The following NLGN1 variants were observed in gnomAD, a reference collection of about 807,000 sequenced individuals.
NLGN1 encodes the protein neuroligin 1.
A neutral mutation model predicts 65.5 loss-of-function variants in NLGN1; 12 were observed. The observed-to-expected ratio is 0.18, with a 90% CI of 0.12 to 0.30. The LOEUF is 0.30. Ranked by LOEUF, NLGN1 falls within the 10% of genes least tolerant of loss-of-function variation. NLGN1 has a pLI of 1.00. For missense variants in NLGN1, 750 were observed against 1,007.1 expected (o/e 0.74, Z 3.46); for synonymous variants, 350 against 359.5 (o/e 0.97, Z 0.30).
intron 4 of NLGN1, among the ~76,000 whole-genome samples, chr3:173,814,592 G>A (rs1216246032): frequency 6.6e-6 from 1 of 152,174 alleles, no homozygotes; most frequent in African/African-American, 2.4e-5. Context: ...GAAAGTAAGT[G>A]TGTCAATTAT....
intron 4 of NLGN1, among the ~76,000 whole-genome samples, chr3:173,812,197 A>G (rs954036742): frequency 6.6e-6 from 1 of 152,228 alleles, no homozygotes; most frequent in African/African-American, 2.4e-5. Flanking sequence ...AAAATAATTT[A>G]AAGTGCTAGC....
At chr3:173,635,086 C>T (rs1276245767) in intron 3 of NLGN1, among the ~76,000 whole-genome samples, 3 of 152,084 alleles carry the variant, frequency 2.0e-5, no homozygotes, top group African/African-American at 4.8e-5. Context: ...GGTCTGTGAA[C>T]ACTTATTTTG....
chr3:174,275,280 G>A, intron 4 of NLGN1, 35 bp from the exon 5 acceptor site: 1 of 1,510,186 alleles, frequency 6.6e-7, no homozygotes, highest in South Asian at 1.1e-5. Context: ...ATTCACGTCA[G>A]CTCAAAACGT....
At chr3:174,182,844 C>T (rs1404178721) in intron 4 of NLGN1, among the ~76,000 whole-genome samples, 1 of 152,194 alleles carries the variant, frequency 6.6e-6, no homozygotes, top group Non-Finnish European at 1.5e-5. Flanking sequence ...GACACAATCT[C>T]ACCTTCCTGG....
At chr3:174,179,672 G>C (rs1459723318) in intron 4 of NLGN1, among the ~76,000 whole-genome samples, 1 of 152,130 alleles carries the variant, frequency 6.6e-6, no homozygotes, top group African/African-American at 2.4e-5. Flanking sequence ...CAAAACCAGA[G>C]TAGTATATAT....
chr3:173,661,135 T>C (rs1760868103), intron 3 of NLGN1, among the ~76,000 whole-genome samples: 1 of 152,024 alleles, frequency 6.6e-6, no homozygotes, highest in Non-Finnish European at 1.5e-5. Context: ...AATGAACTAA[T>C]GAAAGAAATA....
At chr3:174,264,756 G>T (rs560662841) in intron 4 of NLGN1, among the ~76,000 whole-genome samples, 3 of 152,062 alleles carry the variant, frequency 2.0e-5, no homozygotes, top group African/African-American at 7.2e-5. Context: ...GAGGAGAGGC[G>T]CTCTGATTTT....
intron 3 of NLGN1, among the ~76,000 whole-genome samples, chr3:173,682,440 T>G (rs1764072710): frequency 6.6e-6 from 1 of 151,688 alleles, no homozygotes; most frequent in East Asian, 2.0e-4. Flanking sequence ...ATACAAAAAA[T>G]TAGCCGGGTA....
chr3:174,088,875 G>A (rs1234367073), intron 4 of NLGN1, among the ~76,000 whole-genome samples: 1 of 151,630 alleles, frequency 6.6e-6, no homozygotes, highest in Admixed American at 6.6e-5. Context: ...AGTAAAGAAG[G>A]TGCCTGAAAT....
chr3:173,812,018 A>G (rs1428709640), intron 4 of NLGN1, among the ~76,000 whole-genome samples: 5 of 152,164 alleles, frequency 3.3e-5, no homozygotes, highest in Admixed American at 6.5e-5. Context: ...AATATCTTGG[A>G]GGCAATTATG....
At chr3:174,208,664 GAAAAAA>G (rs35797766) in intron 4 of NLGN1, among the ~76,000 whole-genome samples, 2 of 144,278 alleles carry the variant, frequency 1.4e-5, no homozygotes. Flanking sequence ...CCATTATAGG[GAAAAAA>G]AAAAAAAAAA....
At chr3:174,207,774 T>C (rs1194479256) in intron 4 of NLGN1, among the ~76,000 whole-genome samples, 1 of 152,238 alleles carries the variant, frequency 6.6e-6, no homozygotes, top group East Asian at 1.9e-4. Flanking sequence ...CAATCTCTTA[T>C]GCCTCTTTCA....
At chr3:174,137,203 G>A (rs534904793) in intron 4 of NLGN1, among the ~76,000 whole-genome samples, 2 of 152,142 alleles carry the variant, frequency 1.3e-5, no homozygotes, top group South Asian at 4.1e-4. Context: ...CTAAATTGAG[G>A]ACTGTCTGTA....
chr3:173,757,235 C>A (rs1016140812), intron 3 of NLGN1, among the ~76,000 whole-genome samples: 5 of 151,938 alleles, frequency 3.3e-5, no homozygotes, highest in Admixed American at 1.3e-4. Context: ...TCAGATATCA[C>A]CATCTTGATC....
intron 3 of NLGN1, among the ~76,000 whole-genome samples, chr3:173,725,097 C>A (rs927024308): frequency 6.6e-6 from 1 of 151,936 alleles, no homozygotes; most frequent in Non-Finnish European, 1.5e-5. Context: ...TTAATGGGTG[C>A]AGCACACCAA....
chr3:173,699,446 A>C (rs1331454700), intron 3 of NLGN1, among the ~76,000 whole-genome samples: 1 of 152,178 alleles, frequency 6.6e-6, no homozygotes, highest in Non-Finnish European at 1.5e-5. Flanking sequence ...ATTCTTATTC[A>C]AATGTGTCAT....
chr3:173,418,340 C>T (rs531150218), intron 1 of NLGN1, among the ~76,000 whole-genome samples: 35 of 139,394 alleles, frequency 2.5e-4, no homozygotes, highest in Non-Finnish European at 4.6e-4. Context: ...TATTTCAATG[C>T]ACAGTTTGAT....
At chr3:174,195,276 A>G (rs999107503) in intron 4 of NLGN1, among the ~76,000 whole-genome samples, 1 of 152,230 alleles carries the variant, frequency 6.6e-6, no homozygotes, top group Non-Finnish European at 1.5e-5. Flanking sequence ...TGTTCAAAAT[A>G]GAATATACAA....
At chr3:173,567,557 A>G (rs868717251) in intron 2 of NLGN1, among the ~76,000 whole-genome samples, 1 of 151,720 alleles carries the variant, frequency 6.6e-6, no homozygotes, top group Non-Finnish European at 1.5e-5. Context: ...CACAAATTTA[A>G]TTTTGAATAC....
Sources: gnomAD v4.1 joint callset for allele counts (sites outside exome capture counted in the v4.1 genomes callset) on GRCh38, gnomAD v4.1.1 for gene constraint, MANE v1.5 for transcripts, NCBI Gene and HGNC (gene_info 2026-07-23, HGNC 2026-07-21) for gene names.